PRRX2: variants seen among roughly 807,000 people sequenced by gnomAD.
The protein encoded by PRRX2 is paired related homeobox 2.
In PRRX2, 11 loss-of-function variants were observed where a neutral mutation model predicts 18.0. The ratio of observed to expected loss-of-function variants is 0.61; its 90% CI spans 0.39 to 1.01. The LOEUF (loss-of-function observed/expected upper bound fraction) is 1.01, where lower values mean the gene tolerates loss of function less well. Among genes scored for constraint, PRRX2 ranks in the 50% least tolerant of loss-of-function variants. PRRX2 has a pLI of 0.01. For missense variants in PRRX2, 387 were observed against 351.0 expected (o/e 1.10, Z -0.82); for synonymous variants, 177 against 154.8 (o/e 1.14, Z -1.06).
At chr9:129,719,818 C>CTA (rs1832765928) in intron 2 of PRRX2, among the ~76,000 whole-genome samples, 4 of 152,178 alleles carry the variant, frequency 2.6e-5, no homozygotes, top group Non-Finnish European at 5.9e-5. Flanking sequence ...GAAACCCCAT[C>CTA]TTTACTAAAA....
intron 1 of PRRX2, among the ~76,000 whole-genome samples, chr9:129,710,455 C>T (rs55873996): frequency 0.14 from 21,408 of 152,136 alleles, 1,988 homozygotes; most frequent in East Asian, 0.34. Flanking sequence ...CTAGCTTGGC[C>T]GGGCGCGGTG....
chr9:129,681,600 G>A (rs553975103), intron 1 of PRRX2, among the ~76,000 whole-genome samples: 10 of 152,172 alleles, frequency 6.6e-5, no homozygotes, highest in Non-Finnish European at 1.0e-4. Context: ...GGAGATGCCC[G>A]TGTCTGGGGC....
At chr9:129,716,494 G>A (rs146714712) in intron 1 of PRRX2, among the ~76,000 whole-genome samples, 5 of 146,546 alleles carry the variant, frequency 3.4e-5, no homozygotes, top group African/African-American at 5.1e-5. Flanking sequence ...TCACTCTGTC[G>A]CCCAGGCTGG....
intron 1 of PRRX2, among the ~76,000 whole-genome samples, chr9:129,714,487 C>T (rs910227934): frequency 6.6e-6 from 1 of 152,218 alleles, no homozygotes; most frequent in South Asian, 2.1e-4. Context: ...GGTGGCCACA[C>T]GTGGAGCACT....
intron 3 of PRRX2, among the ~76,000 whole-genome samples, chr9:129,721,772 G>T (rs1158514751): frequency 6.6e-6 from 1 of 152,086 alleles, no homozygotes; most frequent in African/African-American, 2.4e-5. Flanking sequence ...GTAGAGACAG[G>T]GTTTCAACAT....
At chr9:129,692,688 A>G (rs911439686) in intron 1 of PRRX2, among the ~76,000 whole-genome samples, 3 of 152,208 alleles carry the variant, frequency 2.0e-5, no homozygotes, top group African/African-American at 4.8e-5. Context: ...TTCACTTAGT[A>G]AATATCCATG....
intron 1 of PRRX2, among the ~76,000 whole-genome samples, chr9:129,717,589 G>A (rs1290886840): frequency 6.6e-6 from 1 of 150,954 alleles, no homozygotes; most frequent in Non-Finnish European, 1.5e-5. Flanking sequence ...CCAGCTACTC[G>A]AGAGGCTGAG....
In PRRX2 at chr9:129,675,230, CT is replaced by C. The variant is rs1832149313; in HGVS notation, c.259+9105del. Among the ~76,000 whole-genome samples, 2 of 152,316 alleles carry C rather than the reference CT, an allele frequency of 1.3e-5. No individual in the cohort carries two copies. Among genetic ancestry groups the C allele is most frequent in the African/African-American group, 4.8e-5 (2 of 41,574 alleles). On this transcript the variant is annotated intron_variant, in intron 1 of 3. Transcript: ENST00000372469. The surrounding 1 kb of genome is among the most constrained non-coding windows in gnomAD (Gnocchi z 4.4). ...CCAGGGACTGGATTTTGTGCCAAAG[CT>C]GCACTGCCGGGTCTAGGAGGAAGTA...
intron 1 of PRRX2, among the ~76,000 whole-genome samples, chr9:129,707,286 A>G (rs1038920457): frequency 6.6e-6 from 1 of 152,074 alleles, no homozygotes. Flanking sequence ...AATAAATAAA[A>G]GAAATCATGC....
chr9:129,690,318 G>A (rs1399493150), intron 1 of PRRX2, among the ~76,000 whole-genome samples: 1 of 152,168 alleles, frequency 6.6e-6, no homozygotes, highest in African/African-American at 2.4e-5. Context: ...CTTTAGAAAG[G>A]CCCCTGCTGC....
In PRRX2 at chr9:129,665,833, G is replaced by T; in HGVS notation, c.-35G>T. The T allele has an allele frequency of 1.9e-6, 2 of 1,027,004 alleles. No individual in the cohort carries two copies. The highest frequency in any genetic ancestry group is 4.5e-5 in the South Asian group (1 of 22,254). The allele number at this position is 1,027,004 out of a possible 1,614,324, so 63.6% of individuals were successfully genotyped here. A position where few individuals can be genotyped will look rare whatever the true frequency, so the allele number is the denominator to read the frequency against. On this transcript the variant is annotated 5_prime_UTR_variant, in exon 1 of 4. Coordinates refer to ENST00000372469, the MANE Select transcript of PRRX2 (RefSeq NM_016307.4). This position sits in a 1 kb window ranked among gnomAD's most constrained non-coding sequence, Gnocchi z 5.3. The stretch of plus-strand genomic sequence containing the variant: ...GACCCTTCCTGGGACCCGAGCCCGA[G>T]ACCCCCGCCGGCCCCCCCGGGGCCG...
intron 1 of PRRX2, among the ~76,000 whole-genome samples, chr9:129,680,591 C>A (rs952939198): frequency 6.7e-6 from 1 of 148,384 alleles, no homozygotes; most frequent in Non-Finnish European, 1.5e-5. Context: ...GGAAGGGGAG[C>A]TGAGATTAGG....
At chr9:129,684,518 A>ACACC (rs1554723045) in intron 1 of PRRX2, among the ~76,000 whole-genome samples, 491 of 38,404 alleles carry the variant, frequency 0.013, 5 homozygotes, top group East Asian at 0.042. Context: ...ACACACACAC[A>ACACC]CACACCCACA....
intron 1 of PRRX2, among the ~76,000 whole-genome samples, chr9:129,677,183 C>A (rs74652991): frequency 0.017 from 2,573 of 152,352 alleles, 74 homozygotes; most frequent in African/African-American, 0.059. Flanking sequence ...GCACAGAGCG[C>A]CCCCAGCGAT....
chr9:129,719,480 C>T, intron 2 of PRRX2, 62 bp downstream of exon 2: 1 of 1,426,174 alleles, frequency 7.0e-7, no homozygotes, highest in Non-Finnish European at 9.2e-7. Flanking sequence ...AGCCACTGTT[C>T]ACCCGGGATT....
intron 1 of PRRX2, among the ~76,000 whole-genome samples, chr9:129,672,413 G>C: frequency 1.3e-5 from 2 of 152,182 alleles, no homozygotes; most frequent in Non-Finnish European, 2.9e-5. Flanking sequence ...ACTGAGGTGT[G>C]AGGTGAAGGT....
chr9:129,676,529 G>A (rs920339927), intron 1 of PRRX2, among the ~76,000 whole-genome samples: 2 of 152,232 alleles, frequency 1.3e-5, no homozygotes, highest in African/African-American at 4.8e-5. Flanking sequence ...CACACAGGGG[G>A]TGGAGAAGCC....
rs1176445825 is a variant in PRRX2, at chr9:129,675,355, G to A, written c.259+9229G>A. ...AATGCAGGGGTGATGTGATAGGGACGATTCCTGTCTCTCCCTCACCAGCAT... is the reference window on the plus strand; with the variant it reads ...AATGCAGGGGTGATGTGATAGGGACAATTCCTGTCTCTCCCTCACCAGCAT... On this transcript the variant is annotated intron_variant, in intron 1 of 3. Coordinates refer to ENST00000372469, the MANE Select transcript of PRRX2 (RefSeq NM_016307.4). This position sits in a 1 kb window ranked among gnomAD's most constrained non-coding sequence, Gnocchi z 4.4. Among the ~76,000 whole-genome samples, 3 of 152,174 alleles carry A rather than the reference G, an allele frequency of 2.0e-5. No individual in the cohort carries two copies. Among genetic ancestry groups the A allele is most frequent in the East Asian group, 3.9e-4 (2 of 5,190 alleles).
intron 1 of PRRX2, among the ~76,000 whole-genome samples, chr9:129,704,287 T>C (rs186571655): frequency 3.1e-4 from 46 of 150,748 alleles, no homozygotes; most frequent in Admixed American, 2.8e-3. Context: ...AGCATGTCCT[T>C]GGGAGAGCCC....
Sources: gnomAD v4.1 joint callset for allele counts (sites outside exome capture counted in the v4.1 genomes callset) on GRCh38, gnomAD v4.1.1 for gene constraint, Gnocchi (gnomAD v3.1) non-coding constraint, MANE v1.5 for transcripts, NCBI Gene and HGNC (gene_info 2026-07-23, HGNC 2026-07-21) for gene names.